The following SIK3 variants were observed in gnomAD, a reference collection of about 807,000 sequenced individuals.
SIK3 encodes the protein SIK family kinase 3.
SIK3 carries 28 observed loss-of-function variants against 144.2 expected under a neutral mutation model. The observed-to-expected ratio is 0.19, with a 90% CI of 0.14 to 0.27. SIK3 has a LOEUF of 0.27. SIK3 is among the 10% of genes least tolerant of loss of function. The pLI is 1.00. For missense variants in SIK3, 1,319 were observed against 1,776.0 expected (o/e 0.74, Z 4.62); for synonymous variants, 686 against 676.3 (o/e 1.01, Z -0.22).
At chr11:116,958,870 T>C (rs1949240196) in intron 1 of SIK3, among the ~76,000 whole-genome samples, 2 of 152,182 alleles carry the variant, frequency 1.3e-5, no homozygotes, top group Admixed American at 1.3e-4. Flanking sequence ...CTCCTGCTTC[T>C]CTCAGGACAG....
rs76714836 is a variant in SIK3, at chr11:117,082,001, G to A, written c.273+16142C>T. Among the ~76,000 whole-genome samples the A allele has an allele frequency of 9.0e-3, 1,368 of 152,160 alleles. 22 individuals are homozygous for A. The highest frequency in any genetic ancestry group is 0.031 in the African/African-American group (1,303 of 41,496). On this transcript the variant is annotated intron_variant, in intron 1 of 24. Transcript: ENST00000445177. The stretch of plus-strand genomic sequence containing the variant: ...GGATGTTAATAGACATTTCTCCAAA[G>A]GAAATATACAAATGATCAACTGGCA...
At chr11:116,920,933 G>C (rs1591327149) in intron 4 of SIK3, among the ~76,000 whole-genome samples, 1 of 152,184 alleles carries the variant, frequency 6.6e-6, no homozygotes, top group African/African-American at 2.4e-5. Context: ...GTGATAATGA[G>C]TCATGACATG....
At position 116,844,486 on chromosome 11, in the gene SIK3, G is replaced by A. The variant is rs1452459280; in HGVS notation, c.*1157C>T. ...CAAGAATTAAAATATAGGGGCTGAG[G>A]GTACCCAGTGGGGAAGAGGAGGTTA... On this transcript the variant is annotated 3_prime_UTR_variant, in exon 25 of 25. Transcript: ENST00000445177. 2 of 148,716 alleles carry A rather than the reference G, an allele frequency of 1.3e-5. No individual in the cohort carries two copies. The highest frequency in any genetic ancestry group is 3.9e-4 in the East Asian group (2 of 5,108). 9.2% of individuals were successfully genotyped at this position (148,716 alleles called of 1,614,324 possible). A position where few individuals can be genotyped will look rare whatever the true frequency, so the allele number is the denominator to read the frequency against.
At chr11:117,045,494 C>T (rs568169713) in intron 1 of SIK3, among the ~76,000 whole-genome samples, 14 of 152,266 alleles carry the variant, frequency 9.2e-5, no homozygotes, top group African/African-American at 3.1e-4. Context: ...AGACCAAAGC[C>T]TGAGCTGTCT....
At chr11:116,912,947 CCTGA>C (rs1946422538) in intron 4 of SIK3, among the ~76,000 whole-genome samples, 1 of 152,146 alleles carries the variant, frequency 6.6e-6, no homozygotes, top group African/African-American at 2.4e-5. Context: ...AGAATGTTCT[CCTGA>C]CTATTAAAAT....
At chr11:116,993,830 T>C (rs768167739) in intron 1 of SIK3, among the ~76,000 whole-genome samples, 20 of 152,150 alleles carry the variant, frequency 1.3e-4, no homozygotes, top group African/African-American at 4.3e-4. Context: ...AAGAGACCAA[T>C]TGTCACAAAT....
Position 117,019,449 on chromosome 11 carries a change from T to C in SIK3, c.274-62385A>G, listed in dbSNP as rs575851254. Reference sequence around the variant, plus strand: ...ATGAAGAAATGTGAAGCCTCAAGAGTAGAACTGACCTACTGGTTACAGTAA... The same window carrying C: ...ATGAAGAAATGTGAAGCCTCAAGAGCAGAACTGACCTACTGGTTACAGTAA... On this transcript the variant is annotated intron_variant, in intron 1 of 24. Transcript: ENST00000445177. Among the ~76,000 whole-genome samples the C allele has an allele frequency of 3.9e-5, 6 of 152,202 alleles. 1 individual carries two copies. Among genetic ancestry groups the C allele is most frequent in the African/African-American group, 1.4e-4 (6 of 41,532 alleles).
At chr11:117,041,068 A>G (rs61582023) in intron 1 of SIK3, among the ~76,000 whole-genome samples, 8,735 of 151,146 alleles carry the variant, frequency 0.058, 570 homozygotes, top group African/African-American at 0.16. Flanking sequence ...AGAATATCGT[A>G]TTTTAAAATG....
intron 1 of SIK3, among the ~76,000 whole-genome samples, chr11:117,063,330 G>C (rs933818103): frequency 6.6e-6 from 1 of 152,138 alleles, no homozygotes; most frequent in Non-Finnish European, 1.5e-5. Context: ...CCCCACAAAG[G>C]AGGGGGAAGA....
intron 1 of SIK3, among the ~76,000 whole-genome samples, chr11:117,027,924 C>T (rs895501278): frequency 1.3e-5 from 2 of 152,094 alleles, no homozygotes; most frequent in South Asian, 4.2e-4. Context: ...GTACGTCTAC[C>T]CAAAGTTTTA....
chr11:116,862,989 TC>T (rs1943433241), intron 16 of SIK3, among the ~76,000 whole-genome samples: 1 of 151,376 alleles, frequency 6.6e-6, no homozygotes, highest in Admixed American at 6.6e-5. Flanking sequence ...CAGGAGAATC[TC>T]TAGAACCCAG....
intron 3 of SIK3, among the ~76,000 whole-genome samples, chr11:116,938,905 A>G (rs185786220): frequency 1.3e-5 from 2 of 152,186 alleles, no homozygotes; most frequent in African/African-American, 2.4e-5. Flanking sequence ...ACTAAAATCC[A>G]TAATTGCATA....
intron 1 of SIK3, among the ~76,000 whole-genome samples, chr11:117,093,549 A>G (rs1417056686): frequency 6.6e-6 from 1 of 152,208 alleles, no homozygotes; most frequent in East Asian, 1.9e-4. Context: ...GACTGCACTC[A>G]ACTCTGTTCC....
chr11:117,003,698 G>A (rs975551914), intron 1 of SIK3, among the ~76,000 whole-genome samples: 2 of 152,066 alleles, frequency 1.3e-5, no homozygotes, highest in Admixed American at 1.3e-4. Flanking sequence ...ATAAGCATAC[G>A]TTGTTGTTAT....
chr11:117,057,361 G>A (rs1953582816), intron 1 of SIK3, among the ~76,000 whole-genome samples: 1 of 152,218 alleles, frequency 6.6e-6, no homozygotes, highest in Admixed American at 6.5e-5. Flanking sequence ...AGAGGGGTTA[G>A]ATTTTGAAAT....
At position 117,080,020 on chromosome 11, in the gene SIK3, T is replaced by G. The variant is rs139039079; in HGVS notation, c.273+18123A>C. ...CTGTACTCCAGCCTGGGTGACAGAG[T>G]GAGACTCCAACTCAATTTTTTTAAA... On this transcript the variant is annotated intron_variant, in intron 1 of 24. Coordinates refer to ENST00000445177, the MANE Select transcript of SIK3 (RefSeq NM_001366686.3). 3.6e-3 allele frequency among the ~76,000 whole-genome samples: 548 copies of G among 151,872 alleles called. 9 individuals are homozygous for G. The South Asian group carries it at 0.047, about 13-fold the overall frequency.
chr11:117,004,143 T>A (rs373960066), intron 1 of SIK3, among the ~76,000 whole-genome samples: 1 of 152,194 alleles, frequency 6.6e-6, no homozygotes, highest in East Asian at 1.9e-4. Flanking sequence ...ATTTAACTTG[T>A]CTGAACTAAG....
intron 1 of SIK3, among the ~76,000 whole-genome samples, chr11:116,961,745 AT>A (rs1949355572): frequency 6.6e-6 from 1 of 152,146 alleles, no homozygotes; most frequent in Non-Finnish European, 1.5e-5. Context: ...GATTTTGTAA[AT>A]TGACATTCTA....
Position 116,867,877 on chromosome 11 carries a change from T to G in SIK3, c.1952+69A>C. On this transcript the variant is annotated intron_variant, in intron 15 of 24. Transcript: ENST00000445177. This position sits in a 1 kb window ranked among gnomAD's most constrained non-coding sequence, Gnocchi z 4.1. ...GCCACGATGCTAGTCACCGTCGCTGTGAGACTAATCAGAAGGGTGCCTGTC... is the reference window on the plus strand; with the variant it reads ...GCCACGATGCTAGTCACCGTCGCTGGGAGACTAATCAGAAGGGTGCCTGTC... The G allele has an allele frequency of 9.0e-5, 128 of 1,417,842 alleles. No individual in the cohort carries two copies. Among genetic ancestry groups the G allele is most frequent in the Non-Finnish European group, 1.1e-4 (120 of 1,070,678 alleles). 87.8% of individuals were successfully genotyped at this position (1,417,842 alleles called of 1,614,324 possible).
Sources: gnomAD v4.1 joint callset for allele counts (sites outside exome capture counted in the v4.1 genomes callset) on GRCh38, gnomAD v4.1.1 for gene constraint, Gnocchi (gnomAD v3.1) non-coding constraint, MANE v1.5 for transcripts, NCBI Gene and HGNC (gene_info 2026-07-23, HGNC 2026-07-21) for gene names.